The following FADS1 variants were observed in gnomAD, a reference collection of about 807,000 sequenced individuals.
The protein encoded by FADS1 is acyl-CoA (8-3)-desaturase.
A neutral mutation model predicts 61.6 loss-of-function variants in FADS1; 17 were observed. That is an observed-to-expected ratio of 0.28 (90% CI 0.19 to 0.41). The LOEUF (loss-of-function observed/expected upper bound fraction) is 0.41, where lower values mean the gene tolerates loss of function less well. Ranked by LOEUF, FADS1 falls within the 10% of genes least tolerant of loss-of-function variation. The pLI is 1.00. For missense variants in FADS1, 387 were observed against 650.9 expected, an observed-to-expected ratio of 0.59 and a Z score of 4.41; for synonymous variants, 238 against 258.7, an observed-to-expected ratio of 0.92 and a Z score of 0.77.
In FADS1 at chr11:61,802,370, G is replaced by C; in HGVS notation, c.*41C>G. ...AGCTCCCCTCTGCCTTGGCTCCAGA[G>C]TCTTCCTCCTCTTCTTCCAGACTGG... On this transcript the variant is annotated 3_prime_UTR_variant, in exon 12 of 12. Transcript: ENST00000350997. This position sits in a 1 kb window ranked among gnomAD's most constrained non-coding sequence, Gnocchi z 4.2. 1 of 1,535,342 alleles carries C rather than the reference G, an allele frequency of 6.5e-7. No individual in the cohort carries two copies. The highest frequency in any genetic ancestry group is 8.9e-7 in the Non-Finnish European group (1 of 1,129,790).
chr11:61,813,762 G>A (rs370721863), intron 1 of FADS1, among the ~76,000 whole-genome samples: 6 of 152,024 alleles, frequency 3.9e-5, no homozygotes, highest in Admixed American at 3.9e-4. Context: ...TCAGGAGATC[G>A]AGACCATCCT....
chr11:61,806,746 T>C (rs1343653187), intron 5 of FADS1, 22 bp from the exon 6 acceptor site: 7 of 1,611,692 alleles, frequency 4.3e-6, no homozygotes, highest in South Asian at 1.1e-5. Context: ...AGCAAACACA[T>C]GAGCATTCGG....
intron 2 of FADS1, 108 bp from the exon 3 acceptor site, chr11:61,812,776 A>G: frequency 1.1e-6 from 1 of 919,076 alleles, no homozygotes; most frequent in Non-Finnish European, 1.7e-6. Flanking sequence ...AGCTGTGGGA[A>G]GTCCACAGTC....
In FADS1 at chr11:61,801,220, C is replaced by T. The variant is rs1301779904; in HGVS notation, c.*1191G>A. ...TTTATGACCGAAATCTGTGTCTTTC[C>T]TCATGACTGATAATTATCTCCCAAT... is the stretch of plus-strand genomic sequence containing the variant. On this transcript the variant is annotated 3_prime_UTR_variant, in exon 12 of 12. Transcript: ENST00000350997. 5 of 152,458 alleles carry T rather than the reference C, an allele frequency of 3.3e-5. No homozygotes were observed. Among genetic ancestry groups the T allele is most frequent in the African/African-American group, 1.2e-4 (5 of 41,570 alleles). 9.4% of individuals were successfully genotyped at this position (152,458 alleles called of 1,614,324 possible).
chr11:61,804,085 A>C, intron 7 of FADS1: 1 of 419,252 alleles, frequency 2.4e-6, no homozygotes, highest in Non-Finnish European at 4.4e-6. Flanking sequence ...GGCTCAGTCC[A>C]TGCCAGTGCC....
intron 7 of FADS1, chr11:61,804,356 A>G: frequency 3.3e-6 from 1 of 303,578 alleles, no homozygotes; most frequent in Non-Finnish European, 6.1e-6. Context: ...CTGATTAATA[A>G]CCACATTCTG....
intron 6 of FADS1, chr11:61,805,850 C>T (rs553633364): frequency 7.9e-5 from 12 of 152,344 alleles, no homozygotes; most frequent in African/African-American, 2.9e-4. Context: ...ATGGTCCCAC[C>T]TCAGTTTCCT....
rs2066976602 is a variant in FADS1, at chr11:61,815,835, C to T, written c.375+720G>A. 5.6e-6 allele frequency: 1 copy of T among 178,226 alleles called. No homozygotes were observed. Among genetic ancestry groups the T allele is most frequent in the Non-Finnish European group, 1.2e-5 (1 of 83,280 alleles). 11.0% of individuals were successfully genotyped at this position (178,226 alleles called of 1,614,324 possible). On this transcript the variant is annotated intron_variant, in intron 1 of 11. Coordinates refer to ENST00000350997, the MANE Select transcript of FADS1 (RefSeq NM_013402.7). The surrounding 1 kb of genome is among the most constrained non-coding windows in gnomAD (Gnocchi z 6.4). Reference sequence around the variant, plus strand: ...CGCTCCGCGGAATAGCTGAAGACCTCGCTGGCCTGCGGCTCAGTGGCCTCC... The same window carrying T: ...CGCTCCGCGGAATAGCTGAAGACCTTGCTGGCCTGCGGCTCAGTGGCCTCC...
chr11:61,804,595 G>A, intron 7 of FADS1, 90 bp downstream of exon 7: 1 of 976,420 alleles, frequency 1.0e-6, no homozygotes, highest in Non-Finnish European at 1.6e-6. Flanking sequence ...TAGGCCTAGA[G>A]TCAGTCTCAA....
chr11:61,803,879 A>G lies in FADS1; in HGVS notation c.1054-112T>C. The G allele has an allele frequency of 3.9e-6, 3 of 772,706 alleles. No homozygotes were observed. Among genetic ancestry groups the G allele is most frequent in the South Asian group, 1.6e-5 (1 of 63,326 alleles). 47.9% of individuals were successfully genotyped at this position (772,706 alleles called of 1,614,324 possible). On this transcript the variant is annotated intron_variant, in intron 7 of 11. Coordinates refer to ENST00000350997, the MANE Select transcript of FADS1 (RefSeq NM_013402.7). This position sits in a 1 kb window ranked among gnomAD's most constrained non-coding sequence, Gnocchi z 4.3. ...TTCTCCTGGTTATCCAGACTCACTCATCTTCAGCTTCTCAGGGGTCCAATC... is the reference window on the plus strand; with the variant it reads ...TTCTCCTGGTTATCCAGACTCACTCGTCTTCAGCTTCTCAGGGGTCCAATC...
chr11:61,805,055 G>T, intron 6 of FADS1: 1 of 520,932 alleles, frequency 1.9e-6, no homozygotes, highest in Non-Finnish European at 3.4e-6. Context: ...CCCACGCATG[G>T]GACTTGCTCT....
chr11:61,814,464 C>G (rs763420710), intron 1 of FADS1: 2 of 152,306 alleles, frequency 1.3e-5, no homozygotes, highest in Non-Finnish European at 2.9e-5. Context: ...CTGTGTCGGG[C>G]GTTGGTTCCT....
In FADS1 at chr11:61,812,645, C is replaced by T. The variant is rs376396292; in HGVS notation, c.510G>A (p.Arg170=). ...TKNKELTDEF[R]ELRATVERMG... is the part of the protein sequence containing the mutation. ...TCCGCTCCACTGTGGCCCGCAGCTC[C>T]CGGAACTCATCTGTCAGCTCTTTCT... Residue 170 remains arginine (R), a synonymous_variant, in exon 3 of 12, where the codon CGG becomes CGA. Coordinates refer to ENST00000350997, the MANE Select transcript of FADS1 (RefSeq NM_013402.7). 1.5e-5 allele frequency: 25 copies of T among 1,614,054 alleles called. No homozygotes were observed. Among genetic ancestry groups the T allele is most frequent in the South Asian group, 9.9e-5 (9 of 91,062 alleles).
rs2066865352 is a variant in FADS1, at chr11:61,802,757, C to T, written c.1454+44G>A. The T allele has an allele frequency of 6.2e-7, 1 of 1,612,960 alleles. No individual in the cohort carries two copies. Among genetic ancestry groups the T allele is most frequent in the Admixed American group, 1.7e-5 (1 of 60,010 alleles). On this transcript the variant is annotated intron_variant, in intron 11 of 11. Coordinates refer to ENST00000350997, the MANE Select transcript of FADS1 (RefSeq NM_013402.7). The surrounding 1 kb of genome is among the most constrained non-coding windows in gnomAD (Gnocchi z 4.2). ...ATGTCATCATTTCCATTGCCCTGCCCTCTTCCCTCCCTACTAGCCATCTTC... is the reference window on the plus strand; with the variant it reads ...ATGTCATCATTTCCATTGCCCTGCCTTCTTCCCTCCCTACTAGCCATCTTC...
intron 1 of FADS1, among the ~76,000 whole-genome samples, chr11:61,813,761 C>T (rs1034593311): frequency 7.9e-5 from 12 of 151,968 alleles, no homozygotes; most frequent in Admixed American, 1.3e-4. Flanking sequence ...GTCAGGAGAT[C>T]GAGACCATCC....
intron 5 of FADS1, 64 bp from the exon 6 acceptor site, chr11:61,806,788 CTT>C: frequency 6.7e-7 from 1 of 1,497,404 alleles, no homozygotes; most frequent in Non-Finnish European, 9.3e-7. Flanking sequence ...GTGACTTGAC[CTT>C]TCCTTGCTTG....
intron 3 of FADS1, chr11:61,811,774 A>G (rs1273000746): frequency 5.5e-6 from 2 of 366,596 alleles, no homozygotes; most frequent in Non-Finnish European, 1.1e-5. Flanking sequence ...ATTTTAATAG[A>G]GACGGGGTTT....
In FADS1 at chr11:61,811,058, C is replaced by T. The variant is rs1261685010; in HGVS notation, c.702G>A (p.Leu234=). 6.2e-7 allele frequency: 1 copy of T among 1,613,394 alleles called. No individual in the cohort carries two copies. Among genetic ancestry groups the T allele is most frequent in the Admixed American group, 1.7e-5 (1 of 60,018 alleles). Residue 234 remains leucine (L), a synonymous_variant, in exon 4 of 12, where the codon CTG becomes CTA. Coordinates refer to ENST00000350997, the MANE Select transcript of FADS1 (RefSeq NM_013402.7). ...LSAVQAQAGW[L]QHDFGHLSVF... The stretch of plus-strand genomic sequence containing the variant: ...CCGACAGGTGCCCAAAGTCATGCTG[C>T]AGCCAGCCAGCCTGGGCCTAGGTGA...
At position 61,802,763 on chromosome 11, in the gene FADS1, C is replaced by T. The variant is rs781733916; in HGVS notation, c.1454+38G>A. ...TCATTTCCATTGCCCTGCCCTCTTC[C>T]CTCCCTACTAGCCATCTTCCTGGTC... On this transcript the variant is annotated intron_variant, in intron 11 of 11. Transcript: ENST00000350997. This position sits in a 1 kb window ranked among gnomAD's most constrained non-coding sequence, Gnocchi z 4.2. 1 of 1,613,428 alleles carries T rather than the reference C, an allele frequency of 6.2e-7. No homozygotes were observed. The highest frequency in any genetic ancestry group is 1.7e-5 in the Admixed American group (1 of 60,004).
Sources: allele counts gnomAD v4.1 joint callset (sites outside exome capture counted in the v4.1 genomes callset), GRCh38; gene constraint gnomAD v4.1.1; non-coding constraint Gnocchi (gnomAD v3.1); transcripts MANE v1.5; gene names NCBI Gene and HGNC (gene_info 2026-07-23, HGNC 2026-07-21).